The following NELL2 variants were observed in gnomAD, a reference collection of about 807,000 sequenced individuals.
NELL2 encodes neural EGFL like 2, also known as protein kinase C-binding protein NELL2.
NELL2 carries 41 observed loss-of-function variants against 109.6 expected under a neutral mutation model. The ratio of observed to expected loss-of-function variants is 0.37; its 90% CI spans 0.29 to 0.49. The LOEUF is 0.49. Ranked by LOEUF, NELL2 falls within the 20% of genes least tolerant of loss-of-function variation. NELL2 has a pLI of 0.98. For missense variants in NELL2, 900 were observed against 1,008.3 expected (o/e 0.89, Z 1.45); for synonymous variants, 355 against 344.7 (o/e 1.03, Z -0.33).
chr12:44,578,962 G>T (rs747303245), intron 15 of NELL2, among the ~76,000 whole-genome samples: 1 of 152,034 alleles, frequency 6.6e-6, no homozygotes, highest in Non-Finnish European at 1.5e-5. Flanking sequence ...TTTCTCAGGG[G>T]CATTCTTTTG....
intron 12 of NELL2, among the ~76,000 whole-genome samples, chr12:44,675,056 G>A (rs1481069395): frequency 6.6e-6 from 1 of 152,252 alleles, no homozygotes; most frequent in East Asian, 1.9e-4. Flanking sequence ...ATTTACAATG[G>A]TCTGATGTGA....
At chr12:44,539,132 T>G (rs1297401877) in intron 15 of NELL2, among the ~76,000 whole-genome samples, 1 of 152,228 alleles carries the variant, frequency 6.6e-6, no homozygotes, top group Non-Finnish European at 1.5e-5. Flanking sequence ...TTTGTATCCT[T>G]GTAATAGCAT....
At chr12:44,859,561 C>A (rs1944778543) in intron 2 of NELL2, among the ~76,000 whole-genome samples, 1 of 151,988 alleles carries the variant, frequency 6.6e-6, no homozygotes, top group Admixed American at 6.6e-5. Context: ...TAAAAATAAA[C>A]AGGAGACATA....
intron 13 of NELL2, among the ~76,000 whole-genome samples, chr12:44,637,681 G>T (rs374025001): frequency 6.6e-6 from 1 of 150,938 alleles, no homozygotes; most frequent in East Asian, 2.0e-4. Context: ...TCTGAGAAAT[G>T]AAGAAAACAT....
chr12:44,917,865 T>G (rs1263999620), upstream of NELL2, among the ~76,000 whole-genome samples: 4 of 152,228 alleles, frequency 2.6e-5, no homozygotes, highest in Admixed American at 2.6e-4. Flanking sequence ...CTCTAGGACC[T>G]GAGGGCAGCC....
chr12:44,568,647 T>C (rs1363598337), intron 15 of NELL2, among the ~76,000 whole-genome samples: 3 of 152,086 alleles, frequency 2.0e-5, no homozygotes, highest in African/African-American at 4.8e-5. Context: ...TTCTGACATA[T>C]GAATCCTGAT....
chr12:44,905,106 A>C (rs1945705480), intron 1 of NELL2, among the ~76,000 whole-genome samples: 1 of 152,116 alleles, frequency 6.6e-6, no homozygotes, highest in Non-Finnish European at 1.5e-5. Context: ...ATCTTATTTG[A>C]AAATCCAAAC....
intron 3 of NELL2, among the ~76,000 whole-genome samples, chr12:44,799,502 G>A (rs1942756158): frequency 1.4e-5 from 1 of 70,910 alleles, no homozygotes; most frequent in Non-Finnish European, 3.5e-5. Context: ...ACTGAAGTAT[G>A]GTAGGTTGAG....
intron 9 of NELL2, among the ~76,000 whole-genome samples, chr12:44,752,691 C>G (rs1369620856): frequency 6.6e-6 from 1 of 152,136 alleles, no homozygotes; most frequent in Non-Finnish European, 1.5e-5. Flanking sequence ...TAAATATGTT[C>G]CCCAACTTCC....
At chr12:44,644,649 T>TACATACATATATATATATATATATATAC (rs1947026410) in intron 13 of NELL2, among the ~76,000 whole-genome samples, 1 of 129,484 alleles carries the variant, frequency 7.7e-6, no homozygotes, top group African/African-American at 2.8e-5. Flanking sequence ...TATATATATA[T>TACATACATATATATATATATATATATAC]ACACACACAC....
At chr12:44,877,421 A>C (rs1945358284), upstream of NELL2, among the ~76,000 whole-genome samples, 1 of 152,214 alleles carries the variant, frequency 6.6e-6, no homozygotes, top group South Asian at 2.1e-4. Context: ...TTCCACTTTC[A>C]TTTTGGAAAA....
chr12:44,562,674 C>G (rs528622734), intron 15 of NELL2, among the ~76,000 whole-genome samples: 1 of 152,282 alleles, frequency 6.6e-6, no homozygotes, highest in Non-Finnish European at 1.5e-5. Context: ...ACAACAGATG[C>G]TGGAGAGGAT....
At chr12:44,677,252 T>C (rs1297307291) in intron 12 of NELL2, among the ~76,000 whole-genome samples, 1 of 152,122 alleles carries the variant, frequency 6.6e-6, no homozygotes, top group East Asian at 1.9e-4. Flanking sequence ...TGTGTGGAGG[T>C]CTTACACACT....
chr12:44,602,491 T>C (rs1945256719), intron 15 of NELL2, among the ~76,000 whole-genome samples: 1 of 152,202 alleles, frequency 6.6e-6, no homozygotes, highest in African/African-American at 2.4e-5. Context: ...TTTGTTCAGA[T>C]AAAGCAGAAT....
At chr12:44,639,013 A>T (rs1159656289) in intron 13 of NELL2, among the ~76,000 whole-genome samples, 1 of 152,206 alleles carries the variant, frequency 6.6e-6, no homozygotes, top group Non-Finnish European at 1.5e-5. Flanking sequence ...CAATATAAAA[A>T]TTATTGAGAT....
intron 2 of NELL2, among the ~76,000 whole-genome samples, chr12:44,855,732 A>G (rs973742852): frequency 6.6e-6 from 1 of 152,204 alleles, no homozygotes; most frequent in African/African-American, 2.4e-5. Flanking sequence ...ACTTCAAACT[A>G]AAAATTTAAA....
intron 2 of NELL2, among the ~76,000 whole-genome samples, chr12:44,820,087 AGG>A (rs1229000468): frequency 1.3e-5 from 2 of 152,170 alleles, no homozygotes; most frequent in Non-Finnish European, 2.9e-5. Flanking sequence ...GAGTACATAG[AGG>A]AAGTTTAAGT....
chr12:44,717,040 T>C (rs1266477723), intron 9 of NELL2, among the ~76,000 whole-genome samples: 2 of 151,964 alleles, frequency 1.3e-5, no homozygotes, highest in Non-Finnish European at 2.9e-5. Flanking sequence ...TTTCAAGCAA[T>C]GAGCACAAGC....
chr12:44,905,218 C>A lies in NELL2; in HGVS notation c.38+8581G>T, dbSNP rs145739539. The stretch of plus-strand genomic sequence containing the variant: ...TTCAGATTGGGTATCTCAGCCTGTA[C>A]TTTCATAACAGTTTATTTTTATAAT... On this transcript the variant is annotated intron_variant, in intron 1 of 20. Coordinates refer to the NELL2 transcript ENST00000333837. Among the ~76,000 whole-genome samples the A allele has an allele frequency of 3.8e-3, 581 of 152,098 alleles. 4 individuals are homozygous for A. The highest frequency in any genetic ancestry group is 0.013 in the African/African-American group (546 of 41,538).
Sources: gnomAD v4.1 joint callset for allele counts (sites outside exome capture counted in the v4.1 genomes callset) on GRCh38, gnomAD v4.1.1 for gene constraint, MANE v1.5 for transcripts, NCBI Gene and HGNC (gene_info 2026-07-23, HGNC 2026-07-21) for gene names.